The following MDGA2 variants were observed in gnomAD, a reference collection of about 807,000 sequenced individuals.
MDGA2 encodes the protein MAM domain containing glycosylphosphatidylinositol anchor 2, also known as MAM domain-containing glycosylphosphatidylinositol anchor protein 2.
MDGA2 carries 40 observed loss-of-function variants against 117.8 expected under a neutral mutation model. The observed-to-expected ratio is 0.34, with a 90% CI of 0.26 to 0.44. The LOEUF is 0.44. Among genes scored for constraint, MDGA2 ranks in the 20% least tolerant of loss-of-function variants. The pLI is 1.00. For synonymous variants in MDGA2, 452 were observed against 439.0 expected (o/e 1.03, Z -0.37); for missense variants, 1,123 against 1,250.6 (o/e 0.90, Z 1.54).
At chr14:46,880,743 G>A (rs1290021499) in intron 11 of MDGA2, among the ~76,000 whole-genome samples, 1 of 146,024 alleles carries the variant, frequency 6.8e-6, no homozygotes. Flanking sequence ...TGGAGGTTGC[G>A]GTGAGCCAAG....
At chr14:47,320,246 G>T (rs1889940703) in intron 1 of MDGA2, among the ~76,000 whole-genome samples, 1 of 152,110 alleles carries the variant, frequency 6.6e-6, no homozygotes, top group African/African-American at 2.4e-5. Context: ...GCTGGGTGTG[G>T]TGACTTATGC....
rs374103245 is a variant in MDGA2, at chr14:47,169,803, T to C, written c.596-25529A>G. ...AACTGAAAATTTCTGTAGTTTTGTT[T>C]CTCAGCTTATTAACTAGATACTACT... On this transcript the variant is annotated intron_variant, in intron 3 of 16. Coordinates refer to ENST00000399232, the MANE Select transcript of MDGA2 (RefSeq NM_001113498.3). 1.1e-3 allele frequency among the ~76,000 whole-genome samples: 164 copies of C among 152,224 alleles called. 2 individuals are homozygous for C. Among genetic ancestry groups the C allele is most frequent in the African/African-American group, 3.7e-3 (153 of 41,578 alleles).
intron 2 of MDGA2, among the ~76,000 whole-genome samples, chr14:47,258,978 G>A (rs986249912): frequency 6.6e-6 from 1 of 151,898 alleles, no homozygotes; most frequent in Non-Finnish European, 1.5e-5. Context: ...ACTCTATTAG[G>A]TATATCTTCA....
At chr14:47,612,213 T>TAGAG (rs1474826417) in intron 1 of MDGA2, among the ~76,000 whole-genome samples, 2 of 132,974 alleles carry the variant, frequency 1.5e-5, no homozygotes, top group Non-Finnish European at 3.3e-5. Flanking sequence ...GATAGACAGA[T>TAGAG]AGATAGATAG....
At chr14:47,584,109 A>G (rs1896278156) in intron 1 of MDGA2, among the ~76,000 whole-genome samples, 1 of 151,878 alleles carries the variant, frequency 6.6e-6, no homozygotes, top group African/African-American at 2.4e-5. Flanking sequence ...AAAATCATCC[A>G]TATTTTATAA....
chr14:47,048,307 C>T (rs996296375), intron 7 of MDGA2, among the ~76,000 whole-genome samples: 1 of 151,854 alleles, frequency 6.6e-6, no homozygotes, highest in Non-Finnish European at 1.5e-5. Context: ...GAAGATAAGC[C>T]ATAAATTATA....
chr14:47,271,694 A>G (rs1888149354), intron 2 of MDGA2, among the ~76,000 whole-genome samples: 3 of 152,154 alleles, frequency 2.0e-5, no homozygotes, highest in African/African-American at 7.2e-5. Flanking sequence ...TTAGACATAA[A>G]ACATCAATAA....
In MDGA2 at chr14:47,301,020, C is replaced by T. The variant is rs544987680; in HGVS notation, c.420+391G>A. Among the ~76,000 whole-genome samples, 12 of 152,162 alleles carry T rather than the reference C, an allele frequency of 7.9e-5. 1 individual carries two copies. In the East Asian group the frequency reaches 2.1e-3, roughly 27 times the overall value. On this transcript the variant is annotated intron_variant, in intron 2 of 16. Coordinates refer to ENST00000399232, the MANE Select transcript of MDGA2 (RefSeq NM_001113498.3). ...CACATTCTTCAGAACAAATACCTCT[C>T]GGTTGCAATTATGTCATCATGAAAT... is the stretch of plus-strand genomic sequence containing the variant.
chr14:47,194,782 C>T lies in MDGA2; in HGVS notation c.595+23239G>A, dbSNP rs191476310. 1.0e-3 allele frequency among the ~76,000 whole-genome samples: 152 copies of T among 152,018 alleles called. 2 individuals carry two copies. The highest frequency in any genetic ancestry group is 3.4e-3 in the African/African-American group (141 of 41,520). On this transcript the variant is annotated intron_variant, in intron 3 of 16. Coordinates refer to ENST00000399232, the MANE Select transcript of MDGA2 (RefSeq NM_001113498.3). Reference sequence around the variant, plus strand: ...TCACTCTCTCTTTCTCTCTCACTCTCTCTTTCTCTCTCTTCCCCCATCACA... The same window carrying T: ...TCACTCTCTCTTTCTCTCTCACTCTTTCTTTCTCTCTCTTCCCCCATCACA...
At chr14:47,042,317 TTTTTTTTTTTTGTG>T (rs1326779985) in intron 7 of MDGA2, among the ~76,000 whole-genome samples, 3 of 99,242 alleles carry the variant, frequency 3.0e-5, no homozygotes, top group African/African-American at 1.2e-4. Flanking sequence ...TCTATGTTTT[TTTTTTTTTTTTGTG>T]TGTGTGTGTG....
intron 8 of MDGA2, among the ~76,000 whole-genome samples, chr14:47,006,326 C>G (rs1018989286): frequency 4.0e-5 from 6 of 148,390 alleles, no homozygotes; most frequent in Non-Finnish European, 7.5e-5. Flanking sequence ...AACGTTGTCT[C>G]CATTTCACAA....
chr14:47,655,888 A>G (rs938093660), intron 1 of MDGA2, among the ~76,000 whole-genome samples: 1 of 152,146 alleles, frequency 6.6e-6, no homozygotes, highest in African/African-American at 2.4e-5. Flanking sequence ...CTTAGACCAT[A>G]TAATCCCACA....
intron 6 of MDGA2, among the ~76,000 whole-genome samples, chr14:47,092,972 T>C (rs1879750117): frequency 6.6e-6 from 1 of 152,110 alleles, no homozygotes; most frequent in African/African-American, 2.4e-5. Flanking sequence ...AGAAACTTTC[T>C]AAGGGTCCAT....
Position 47,051,949 on chromosome 14 carries a change from C to A in MDGA2, c.1525+9300G>T, listed in dbSNP as rs188752092. Among the ~76,000 whole-genome samples the A allele has an allele frequency of 2.5e-4, 38 of 151,954 alleles. No individual in the cohort carries two copies. In the East Asian group the frequency reaches 4.1e-3, roughly 16 times the overall value. On this transcript the variant is annotated intron_variant, in intron 7 of 16. Transcript: ENST00000399232. Reference sequence around the variant, plus strand: ...TATCTTCTCCTCTAATAAAAAACTTCAGGATTGGTCTTGGTATTATAGCCT... The same window carrying A: ...TATCTTCTCCTCTAATAAAAAACTTAAGGATTGGTCTTGGTATTATAGCCT...
chr14:47,316,872 T>C (rs949570361), intron 1 of MDGA2, among the ~76,000 whole-genome samples: 5 of 152,148 alleles, frequency 3.3e-5, no homozygotes, highest in East Asian at 3.8e-4. Flanking sequence ...GAAATGTCAT[T>C]ATGCAGATGA....
intron 2 of MDGA2, among the ~76,000 whole-genome samples, chr14:47,291,619 G>A (rs1236187469): frequency 6.6e-6 from 1 of 152,154 alleles, no homozygotes; most frequent in Non-Finnish European, 1.5e-5. Flanking sequence ...AAAATCATCT[G>A]GATACACAGT....
chr14:47,341,108 T>C lies in MDGA2; in HGVS notation c.281-39558A>G, dbSNP rs548222198. Among the ~76,000 whole-genome samples the C allele has an allele frequency of 2.0e-4, 31 of 152,330 alleles. No homozygotes were observed. The South Asian group carries it at 6.0e-3, about 30-fold the overall frequency. ...ATATAAGAAACTGCATTCAGTTTCA[T>C]CTGCTATCTTATAATGTGGCTAACT... On this transcript the variant is annotated intron_variant, in intron 1 of 16. Coordinates refer to ENST00000399232, the MANE Select transcript of MDGA2 (RefSeq NM_001113498.3).
intron 3 of MDGA2, among the ~76,000 whole-genome samples, chr14:47,153,222 G>A (rs969140845): frequency 6.6e-6 from 1 of 152,170 alleles, no homozygotes. Flanking sequence ...GTGGTAAGGA[G>A]ATCAGTAAGA....
intron 10 of MDGA2, among the ~76,000 whole-genome samples, chr14:46,902,372 A>C (rs1442810235): frequency 6.6e-6 from 1 of 151,992 alleles, no homozygotes; most frequent in East Asian, 1.9e-4. Flanking sequence ...TCTTTTCTCA[A>C]ACCTGTTCCC....
Sources: allele counts gnomAD v4.1 joint callset (sites outside exome capture counted in the v4.1 genomes callset), GRCh38; gene constraint gnomAD v4.1.1; transcripts MANE v1.5; gene names NCBI Gene and HGNC (gene_info 2026-07-23, HGNC 2026-07-21).